The following ACSS1 variants were observed in gnomAD, a reference collection of about 807,000 sequenced individuals.
ACSS1 encodes acetyl-coenzyme A synthetase 2-like, mitochondrial.
ACSS1 carries 42 observed loss-of-function variants against 75.3 expected under a neutral mutation model. The ratio of observed to expected loss-of-function variants is 0.56; its 90% CI spans 0.44 to 0.72. The LOEUF is 0.72. Among genes scored for constraint, ACSS1 ranks in the 30% least tolerant of loss-of-function variants. ACSS1 has a pLI of 0.00. For synonymous variants in ACSS1, 380 were observed against 376.8 expected, an observed-to-expected ratio of 1.01 and a Z score of -0.10; for missense variants, 782 against 935.7, an observed-to-expected ratio of 0.84 and a Z score of 2.14.
At chr20:25,008,622 G>A (rs1413847352) in intron 13 of ACSS1, among the ~76,000 whole-genome samples, 1 of 152,158 alleles carries the variant, frequency 6.6e-6, no homozygotes, top group Non-Finnish European at 1.5e-5. Flanking sequence ...TGTTCATAAA[G>A]GAGGGAATGA....
intron 2 of ACSS1, among the ~76,000 whole-genome samples, chr20:25,036,365 T>C (rs2088907364): frequency 6.6e-6 from 1 of 152,170 alleles, no homozygotes; most frequent in South Asian, 2.1e-4. Context: ...AAAGATACAA[T>C]CTGACTGCAA....
chr20:25,027,483 C>G (rs1017696340), intron 3 of ACSS1, among the ~76,000 whole-genome samples: 6 of 152,266 alleles, frequency 3.9e-5, no homozygotes, highest in Middle Eastern at 3.4e-3. Context: ...GGTGGTTCAA[C>G]ATGCAACAAT....
chr20:25,006,787 C>T lies in ACSS1; in HGVS notation c.*975G>A. ...AGACCTCCAAGTCTCATCATTGGAC[C>T]TCAGTGGTTCTCACCGCCCCAACCA... On this transcript the variant is annotated 3_prime_UTR_variant, in exon 14 of 14. Coordinates refer to ENST00000323482, the MANE Select transcript of ACSS1 (RefSeq NM_032501.4). The T allele has an allele frequency of 1.3e-6, 2 of 1,514,414 alleles. No homozygotes were observed. The highest frequency in any genetic ancestry group is 1.8e-6 in the Non-Finnish European group (2 of 1,128,564). The allele number at this position is 1,514,414 out of a possible 1,614,324, so 93.8% of individuals were successfully genotyped here.
intron 1 of ACSS1, among the ~76,000 whole-genome samples, chr20:25,053,230 A>AT (rs376414199): frequency 0.02 from 2,646 of 133,412 alleles, 83 homozygotes; most frequent in African/African-American, 0.064. Context: ...CGCTCGGCTA[A>AT]TTTTTTTTTT....
chr20:25,015,208 C>T lies in ACSS1; in HGVS notation c.1269G>A (p.Glu423=). Reference sequence around the variant, plus strand: ...CCACCCTGTGAAGCCACTCCCAGGCCTCACAGTTGATGGGCTCTCCCACTG... The same window carrying T: ...CCACCCTGTGAAGCCACTCCCAGGCTTCACAGTTGATGGGCTCTCCCACTG... ...LGSVGEPINC[E]AWEWLHRVVG... is the part of the protein sequence containing the mutation. The change falls in exon 8 of 14, where the codon GAG becomes GAA. Residue 423 remains glutamate, a synonymous_variant. Coordinates refer to ENST00000323482, the MANE Select transcript of ACSS1 (RefSeq NM_032501.4). 6.2e-7 allele frequency: 1 copy of T among 1,612,282 alleles called. No homozygotes were observed. The highest frequency in any genetic ancestry group is 8.5e-7 in the Non-Finnish European group (1 of 1,178,544).
intron 1 of ACSS1, among the ~76,000 whole-genome samples, chr20:25,057,336 C>T (rs2089256018): frequency 6.6e-6 from 1 of 152,232 alleles, no homozygotes; most frequent in African/African-American, 2.4e-5. Flanking sequence ...CAGTGACAAC[C>T]GCCACCGCTT....
At chr20:25,024,430 A>G (rs1025076726) in intron 3 of ACSS1, among the ~76,000 whole-genome samples, 1 of 152,136 alleles carries the variant, frequency 6.6e-6, no homozygotes. Flanking sequence ...GGGTTACTAC[A>G]CAGCCCCTCA....
intron 2 of ACSS1, among the ~76,000 whole-genome samples, chr20:25,047,255 C>T (rs980709674): frequency 1.3e-5 from 2 of 152,170 alleles, no homozygotes; most frequent in African/African-American, 4.8e-5. Context: ...CCTCCACGTC[C>T]CCTCGCTCCT....
At chr20:25,038,048 T>C (rs1171296791) in intron 2 of ACSS1, among the ~76,000 whole-genome samples, 1 of 152,228 alleles carries the variant, frequency 6.6e-6, no homozygotes, top group African/African-American at 2.4e-5. Flanking sequence ...GCAGCCGCAC[T>C]TGAACATGAA....
At chr20:25,039,313 T>A (rs554699070) in intron 2 of ACSS1, among the ~76,000 whole-genome samples, 2 of 152,334 alleles carry the variant, frequency 1.3e-5, no homozygotes, top group Admixed American at 1.3e-4. Context: ...CTCCTCAGTA[T>A]CAGAACCACT....
intron 6 of ACSS1, among the ~76,000 whole-genome samples, chr20:25,020,493 A>G (rs769908952): frequency 1.3e-5 from 2 of 152,212 alleles, no homozygotes; most frequent in African/African-American, 4.8e-5. Context: ...TCACACTCAC[A>G]TGGGCTCTAA....
chr20:25,027,934 A>G (rs1302768038), intron 3 of ACSS1, among the ~76,000 whole-genome samples: 1 of 152,178 alleles, frequency 6.6e-6, no homozygotes, highest in Non-Finnish European at 1.5e-5. Flanking sequence ...TTTGCAATAT[A>G]CAAGATCACT....
At chr20:25,041,028 G>A (rs1418449388) in intron 2 of ACSS1, among the ~76,000 whole-genome samples, 1 of 152,222 alleles carries the variant, frequency 6.6e-6, no homozygotes, top group Non-Finnish European at 1.5e-5. Context: ...GGAGGCCAAG[G>A]CGGGTGGATC....
chr20:25,033,161 A>T (rs942457206), intron 2 of ACSS1, among the ~76,000 whole-genome samples: 2 of 140,232 alleles, frequency 1.4e-5, no homozygotes, highest in Non-Finnish European at 3.1e-5. Flanking sequence ...GTCACTCAAC[A>T]TCTTCAGCCA....
chr20:25,028,944 G>A (rs563589885), intron 3 of ACSS1, among the ~76,000 whole-genome samples: 3 of 151,434 alleles, frequency 2.0e-5, no homozygotes, highest in African/African-American at 7.3e-5. Context: ...AGAAAACATA[G>A]GAAAAAATCT....
rs188344191 is a variant in ACSS1 at position 25,051,541 on chromosome 20, G to A, written c.335-3360C>T. 1.8e-3 allele frequency among the ~76,000 whole-genome samples: 276 copies of A among 152,316 alleles called. 1 individual carries two copies. Among genetic ancestry groups the A allele is most frequent in the African/African-American group, 5.8e-3 (243 of 41,558 alleles). On this transcript the variant is annotated intron_variant, in intron 1 of 13. Coordinates refer to ENST00000323482, the MANE Select transcript of ACSS1 (RefSeq NM_032501.4). The stretch of plus-strand genomic sequence containing the variant: ...GTGTTAGCTGCAGCCAGTGTGCCCC[G>A]TCCCCGTTCTGGGCATCTGCATTTC...
At position 25,023,465 on chromosome 20, in the gene ACSS1, C is replaced by T. The variant is rs773336174; in HGVS notation, c.807+1G>A. The T allele has an allele frequency of 6.2e-7, 1 of 1,614,080 alleles. No homozygotes were observed. The highest frequency in any genetic ancestry group is 8.5e-7 in the Non-Finnish European group (1 of 1,180,014). ...AAACTGTGCAAAGCGAGGTAACCCA[C>T]CTGCTCCAGCGGGACGTCCAGATCC... On this transcript the variant is annotated splice_donor_variant, in intron 4 of 13. Coordinates refer to ENST00000323482, the MANE Select transcript of ACSS1 (RefSeq NM_032501.4). LOFTEE classifies it high-confidence loss of function.
rs1600300971 is a variant in ACSS1 at position 25,007,634 on chromosome 20, G to A, written c.*128C>T. The A allele has an allele frequency of 2.8e-5, 43 of 1,514,856 alleles. No homozygotes were observed. In the East Asian group the frequency reaches 6.6e-4, roughly 23 times the overall value. 93.8% of individuals were successfully genotyped at this position (1,514,856 alleles called of 1,614,324 possible). A position where few individuals can be genotyped will look rare whatever the true frequency, so the allele number is the denominator to read the frequency against. Reference sequence around the variant, plus strand: ...CAGCCCAGCTTCACGTGAGGGCGGTGTGGGTCATGTGTGGGGTGGGGGCTG... The same window carrying A: ...CAGCCCAGCTTCACGTGAGGGCGGTATGGGTCATGTGTGGGGTGGGGGCTG... On this transcript the variant is annotated 3_prime_UTR_variant, in exon 14 of 14. Transcript: ENST00000323482.
chr20:25,035,255 C>T (rs1264819666), intron 2 of ACSS1, among the ~76,000 whole-genome samples: 1 of 152,120 alleles, frequency 6.6e-6, no homozygotes. Flanking sequence ...GGTCACTAAC[C>T]TGCACCCTCC....
Sources: allele counts gnomAD v4.1 joint callset (sites outside exome capture counted in the v4.1 genomes callset), GRCh38; gene constraint gnomAD v4.1.1; transcripts MANE v1.5; gene names NCBI Gene and HGNC (gene_info 2026-07-23, HGNC 2026-07-21).